DCBLD2: variants seen among roughly 807,000 people sequenced by gnomAD.
DCBLD2 encodes the protein discoidin, CUB and LCCL domain-containing protein 2.
DCBLD2 carries 54 observed loss-of-function variants against 86.8 expected under a neutral mutation model. The observed-to-expected ratio is 0.62, with a 90% CI of 0.50 to 0.78. DCBLD2 has a LOEUF of 0.78. Ranked by LOEUF, DCBLD2 falls within the 30% of genes least tolerant of loss-of-function variation. DCBLD2 has a pLI of 0.00. For synonymous variants in DCBLD2, 354 were observed against 341.3 expected (o/e 1.04, Z -0.41); for missense variants, 908 against 954.2 (o/e 0.95, Z 0.64).
intron 3 of DCBLD2, among the ~76,000 whole-genome samples, chr3:98,832,725 G>A (rs369715429): frequency 6.6e-6 from 1 of 152,164 alleles, no homozygotes; most frequent in Non-Finnish European, 1.5e-5. Context: ...TGAAATTCTT[G>A]AAGATTTTTT....
intron 3 of DCBLD2, among the ~76,000 whole-genome samples, chr3:98,836,630 C>G (rs1169868855): frequency 2.5e-5 from 2 of 81,008 alleles, no homozygotes; most frequent in African/African-American, 9.3e-5. Flanking sequence ...GACGGGGCGG[C>G]TGGCCGGGCA....
At chr3:98,821,300 G>A (rs984675871) in intron 6 of DCBLD2, 1 of 152,184 alleles carries the variant, frequency 6.6e-6, no homozygotes, top group Non-Finnish European at 1.5e-5. Context: ...TTGTCTGAAA[G>A]ACTGAGCAGA....
chr3:98,901,220 A>AGGGAGCGGGAGAGG lies in DCBLD2; in HGVS notation c.93_106dup (p.Leu36ProfsTer47), dbSNP rs1183678424. 1.3e-6 allele frequency: 2 copies of AGGGAGCGGGAGAGG among 1,535,294 alleles called. No individual in the cohort carries two copies. Among genetic ancestry groups the AGGGAGCGGGAGAGG allele is most frequent in the East Asian group, 4.9e-5 (2 of 40,880 alleles). Reference sequence around the variant, plus strand: ...GGAGGAGGAGTTGGAGCAGGGAGGGAGGGAGCGGGAGAGGGGGAGCGCGGC... The same window carrying AGGGAGCGGGAGAGG: ...GGAGGAGGAGTTGGAGCAGGGAGGGAGGGAGCGGGAGAGGGGGAGCGGGAGAGGGGGAGCGCGGC... On this transcript the variant is annotated frameshift_variant, in exon 1 of 16. Transcript: ENST00000326840. LOFTEE classifies it high-confidence loss of function.
At chr3:98,868,670 CA>C (rs928905058) in intron 2 of DCBLD2, among the ~76,000 whole-genome samples, 1 of 152,084 alleles carries the variant, frequency 6.6e-6, no homozygotes, top group South Asian at 2.1e-4. Context: ...TATTTATCCA[CA>C]AGGTTAGTCC....
intron 3 of DCBLD2, among the ~76,000 whole-genome samples, chr3:98,838,455 C>A (rs1228314039): frequency 2.2e-5 from 3 of 137,886 alleles, no homozygotes; most frequent in African/African-American, 8.1e-5. Context: ...GATGGGCGGC[C>A]GGGCAGAGAC....
chr3:98,889,519 C>A (rs548517005), intron 1 of DCBLD2, among the ~76,000 whole-genome samples: 26 of 152,102 alleles, frequency 1.7e-4, no homozygotes, highest in Admixed American at 3.3e-4. Flanking sequence ...ATAATTACCA[C>A]CTGCTATTTA....
rs576188055 is a variant in DCBLD2, at chr3:98,799,461, C to G, written c.2239G>C (p.Glu747Gln). 3 of 1,614,022 alleles carry G rather than the reference C, an allele frequency of 1.9e-6. No individual in the cohort carries two copies. Among genetic ancestry groups the G allele is most frequent in the Non-Finnish European group, 2.5e-6 (3 of 1,179,892 alleles). The change falls in exon 16 of 16, where the codon GAA (glutamate) becomes CAA (glutamine). Residue 747 changes from glutamate (E) to glutamine (Q), a missense_variant. Physicochemically the swap from Glu to Gln is conservative, Grantham distance 29. Coordinates refer to ENST00000326840, the MANE Select transcript of DCBLD2 (RefSeq NM_080927.4). ...CTCTGTGGCACCTGGTACACCAATT[C>G]GTCTGGGGCAGGTAGACCTGGCTTC... ...AGKPGLPAPD[E>Q]LVYQVPQSTQ...
chr3:98,803,708 G>A (rs1408092213), intron 13 of DCBLD2, among the ~76,000 whole-genome samples: 5 of 151,884 alleles, frequency 3.3e-5, no homozygotes, highest in African/African-American at 1.2e-4. Context: ...TATTATTTTG[G>A]GATACGTCCC....
chr3:98,868,213 A>G (rs1473324787), intron 2 of DCBLD2, among the ~76,000 whole-genome samples: 1 of 152,236 alleles, frequency 6.6e-6, no homozygotes. Flanking sequence ...AATCTGCAAC[A>G]TAAGCCCTTC....
At chr3:98,813,564 T>C (rs1273028835) in intron 9 of DCBLD2, 2 of 152,230 alleles carry the variant, frequency 1.3e-5, no homozygotes, top group African/African-American at 4.8e-5. Flanking sequence ...GGGGTCTTGC[T>C]ATGCTGTTCA....
chr3:98,880,341 C>A (rs143005199), intron 2 of DCBLD2, among the ~76,000 whole-genome samples: 65 of 152,296 alleles, frequency 4.3e-4, no homozygotes, highest in African/African-American at 1.5e-3. Flanking sequence ...ATTTTACACA[C>A]TGGAACCAAA....
At position 98,881,627 on chromosome 3, in the gene DCBLD2, C is replaced by T; in HGVS notation, c.346G>A (p.Gly116Ser). The part of the protein sequence containing the change: ...KMGERVRIKF[G>S]DFDIEDSDSC... ...TCAGAATCTTCAATGTCAAAGTCAC[C>T]AAATTTGATGCGAACTCTCTCTCCC... is the stretch of plus-strand genomic sequence containing the variant. The change falls in exon 2 of 16, where the codon GGT becomes AGT. Residue 116 changes from glycine (G) to serine (S), a missense_variant. Gly to Ser is a moderately conservative substitution (Grantham distance 56). Transcript: ENST00000326840. The T allele has an allele frequency of 1.2e-6, 2 of 1,613,814 alleles. No homozygotes were observed. The highest frequency in any genetic ancestry group is 1.7e-6 in the Non-Finnish European group (2 of 1,179,862).
intron 2 of DCBLD2, among the ~76,000 whole-genome samples, chr3:98,863,845 A>G (rs984856495): frequency 2.0e-5 from 3 of 152,244 alleles, no homozygotes; most frequent in Non-Finnish European, 4.4e-5. Context: ...ACAAAAGCCA[A>G]AATTGACAAA....
intron 1 of DCBLD2, among the ~76,000 whole-genome samples, chr3:98,890,045 C>T (rs1943631652): frequency 6.6e-6 from 1 of 151,936 alleles, no homozygotes; most frequent in South Asian, 2.1e-4. Flanking sequence ...TCTTCTTTGC[C>T]TCCTTTTCTA....
chr3:98,825,680 T>TATATATATATATATATA (rs1942207233), intron 3 of DCBLD2, among the ~76,000 whole-genome samples: 1 of 130,222 alleles, frequency 7.7e-6, no homozygotes, highest in African/African-American at 2.8e-5. Context: ...TATATATATA[T>TATATATATATATATATA]TTAGAACATG....
In DCBLD2 at chr3:98,870,751, A is replaced by AAGAAAGAAAG. The variant is rs1462587075; in HGVS notation, c.433+10779_433+10788dup. Among the ~76,000 whole-genome samples, 323 of 130,576 alleles carry AAGAAAGAAAG rather than the reference A, an allele frequency of 2.5e-3. 2 individuals carry two copies. The highest frequency in any genetic ancestry group is 3.4e-3 in the Non-Finnish European group (207 of 61,186). The allele number at this position is 130,576 out of a possible 152,430, so 85.7% of individuals were successfully genotyped here. On this transcript the variant is annotated intron_variant, in intron 2 of 15. Coordinates refer to ENST00000326840, the MANE Select transcript of DCBLD2 (RefSeq NM_080927.4). ...GAAAAGAAAGAAAAAGAAAGAAAGA[A>AAGAAAGAAAG]AGAAAGAAAGAAAGAAAGAAAGAAA... is the stretch of plus-strand genomic sequence containing the variant.
At chr3:98,866,883 A>G (rs1399035516) in intron 2 of DCBLD2, among the ~76,000 whole-genome samples, 1 of 152,218 alleles carries the variant, frequency 6.6e-6, no homozygotes, top group Non-Finnish European at 1.5e-5. Context: ...TAGTTTTTGC[A>G]TAAGGTGTAA....
chr3:98,838,827 T>C (rs1319205071), intron 3 of DCBLD2, among the ~76,000 whole-genome samples: 1 of 152,046 alleles, frequency 6.6e-6, no homozygotes, highest in Admixed American at 6.6e-5. Context: ...GGCGGATCAC[T>C]CGCGGTTAGG....
chr3:98,837,938 C>G (rs1406715551), intron 3 of DCBLD2, among the ~76,000 whole-genome samples: 1 of 72,282 alleles, frequency 1.4e-5, no homozygotes, highest in African/African-American at 6.2e-5. Flanking sequence ...CCATCTCCCT[C>G]CCGGATGGGG....
Sources: gnomAD v4.1 joint callset for allele counts (sites outside exome capture counted in the v4.1 genomes callset) on GRCh38, gnomAD v4.1.1 for gene constraint, MANE v1.5 for transcripts, NCBI Gene and HGNC (gene_info 2026-07-23, HGNC 2026-07-21) for gene names.